Variants in FRMD4A observed in about 807,000 individuals in gnomAD.
The protein encoded by FRMD4A is FERM domain containing 4A.
FRMD4A carries 29 observed loss-of-function variants against 129.1 expected under a neutral mutation model. The observed-to-expected ratio is 0.22, with a 90% CI of 0.17 to 0.31. FRMD4A has a LOEUF of 0.31. FRMD4A is among the 10% of genes least tolerant of loss of function. The probability of loss-of-function intolerance (pLI) is 1.00; values close to 1 mark genes in which losing one functional copy is unlikely to be tolerated. For synonymous variants in FRMD4A, 634 were observed against 571.6 expected, an observed-to-expected ratio of 1.11 and a Z score of -1.56; for missense variants, 1,272 against 1,375.8, an observed-to-expected ratio of 0.92 and a Z score of 1.19.
intron 2 of FRMD4A, among the ~76,000 whole-genome samples, chr10:14,042,944 A>G (rs1421569742): frequency 1.3e-5 from 2 of 151,426 alleles, no homozygotes; most frequent in East Asian, 3.9e-4. Flanking sequence ...AAAAAAAAAA[A>G]AAAAAGAAAT....
rs71388168 is a variant in FRMD4A, at chr10:14,241,683, T to TAAAAAAAAAAAAAAAAAAAAA, written c.45+88354_45+88374dup. Among the ~76,000 whole-genome samples, 5 of 23,402 alleles carry TAAAAAAAAAAAAAAAAAAAAA rather than the reference T, an allele frequency of 2.1e-4. 1 individual carries two copies. Among genetic ancestry groups the TAAAAAAAAAAAAAAAAAAAAA allele is most frequent in the Non-Finnish European group, 3.7e-4 (5 of 13,616 alleles). The allele number at this position is 23,402 out of a possible 152,430, so 15.4% of individuals were successfully genotyped here. A position where few individuals can be genotyped will look rare whatever the true frequency, so the allele number is the denominator to read the frequency against. ...GGAGAGGGATTTGTTTTACCCTCCC[T>TAAAAAAAAAAAAAAAAAAAAA]AAAAAAAAAAAAAAAAAAAAAAAAA... On this transcript the variant is annotated intron_variant, in intron 2 of 24. Transcript: ENST00000357447.
chr10:13,804,467 G>A (rs906172517), intron 4 of FRMD4A, among the ~76,000 whole-genome samples: 8 of 152,034 alleles, frequency 5.3e-5, no homozygotes, highest in East Asian at 1.9e-4. Context: ...GCTCGCTCCC[G>A]TGCACCAGCC....
chr10:13,967,043 G>C lies in FRMD4A; in HGVS notation c.46-108131C>G, dbSNP rs144542911. Among the ~76,000 whole-genome samples, 5 of 152,318 alleles carry C rather than the reference G, an allele frequency of 3.3e-5. No individual in the cohort carries two copies. In the East Asian group the frequency reaches 9.6e-4, roughly 29 times the overall value. ...AAGCTATGAGGATGCACAGGCGTAA[G>C]AATGACACAACGGGCCGGGCGCGGT... On this transcript the variant is annotated intron_variant, in intron 2 of 24. Coordinates refer to ENST00000357447, the MANE Select transcript of FRMD4A (RefSeq NM_018027.5).
rs531535111 is a variant in FRMD4A, at chr10:14,217,433, G to A, written c.45+112625C>T. ...GATGGGAGATGTGATGGTTTGATAA[G>A]GGGAAACCCCTTTCGTCTGGGTTCC... On this transcript the variant is annotated intron_variant, in intron 2 of 24. Transcript: ENST00000357447. Among the ~76,000 whole-genome samples the A allele has an allele frequency of 4.4e-3, 670 of 152,288 alleles. 4 individuals are homozygous for A. The highest frequency in any genetic ancestry group is 0.017 in the Middle Eastern group (5 of 294).
intron 2 of FRMD4A, among the ~76,000 whole-genome samples, chr10:14,197,348 G>A (rs1416869931): frequency 6.6e-6 from 1 of 152,086 alleles, no homozygotes; most frequent in Non-Finnish European, 1.5e-5. Context: ...AATTGTTCAG[G>A]ACAAGCAGGA....
chr10:14,198,778 T>C (rs898804468), intron 2 of FRMD4A, among the ~76,000 whole-genome samples: 1 of 152,194 alleles, frequency 6.6e-6, no homozygotes, highest in Non-Finnish European at 1.5e-5. Flanking sequence ...CAGCTCTCCA[T>C]CTAGAGAGAA....
At chr10:14,061,668 A>C (rs1292128430) in intron 2 of FRMD4A, among the ~76,000 whole-genome samples, 1 of 152,128 alleles carries the variant, frequency 6.6e-6, no homozygotes, top group Non-Finnish European at 1.5e-5. Flanking sequence ...TAAATGAAAC[A>C]AGGGGGATTG....
intron 2 of FRMD4A, among the ~76,000 whole-genome samples, chr10:14,298,675 A>T (rs1049977299): frequency 3.9e-5 from 6 of 152,182 alleles, no homozygotes; most frequent in Non-Finnish European, 7.3e-5. Context: ...TGACCTTGGG[A>T]TCAACACGTT....
intron 2 of FRMD4A, among the ~76,000 whole-genome samples, chr10:14,071,040 T>C (rs1048793859): frequency 2.6e-5 from 4 of 152,202 alleles, no homozygotes; most frequent in African/African-American, 9.7e-5. Flanking sequence ...TAGACAGAGA[T>C]CGCTGATGTA....
chr10:13,885,628 G>A (rs1170049082), intron 2 of FRMD4A, among the ~76,000 whole-genome samples: 3 of 152,262 alleles, frequency 2.0e-5, no homozygotes, highest in Non-Finnish European at 1.5e-5. Flanking sequence ...ACATATGCAC[G>A]TGGTTTGTAG....
chr10:13,954,070 T>A (rs1245810923), intron 2 of FRMD4A, among the ~76,000 whole-genome samples: 1 of 152,208 alleles, frequency 6.6e-6, no homozygotes, highest in African/African-American at 2.4e-5. Context: ...TGCTAGGACA[T>A]CAGGGCAGAA....
chr10:13,866,632 G>A (rs931077527), intron 2 of FRMD4A, among the ~76,000 whole-genome samples: 2 of 152,078 alleles, frequency 1.3e-5, no homozygotes, highest in Admixed American at 6.6e-5. Flanking sequence ...AGAAATTTAC[G>A]GGAAATACAC....
intron 2 of FRMD4A, among the ~76,000 whole-genome samples, chr10:13,962,684 A>G (rs987562213): frequency 3.9e-5 from 6 of 152,218 alleles, no homozygotes; most frequent in Admixed American, 1.3e-4. Context: ...CCATCTAAGT[A>G]GACCTTTAGA....
chr10:14,087,845 T>C (rs569756200), intron 2 of FRMD4A, among the ~76,000 whole-genome samples: 11 of 152,304 alleles, frequency 7.2e-5, no homozygotes, highest in Admixed American at 2.6e-4. Context: ...AACAGTGCCG[T>C]GTGCACTCCA....
chr10:14,123,147 A>G (rs768655263), intron 2 of FRMD4A, among the ~76,000 whole-genome samples: 3 of 152,032 alleles, frequency 2.0e-5, no homozygotes, highest in Non-Finnish European at 2.9e-5. Context: ...ACAAAACAAA[A>G]CTAAAACCAC....
At chr10:14,035,915 G>A (rs1249841839) in intron 2 of FRMD4A, among the ~76,000 whole-genome samples, 10 of 152,060 alleles carry the variant, frequency 6.6e-5, no homozygotes, top group African/African-American at 2.2e-4. Context: ...GGTGGTTGGC[G>A]CCTGTAATCC....
chr10:14,173,301 C>T (rs1222005741), intron 2 of FRMD4A, among the ~76,000 whole-genome samples: 1 of 152,116 alleles, frequency 6.6e-6, no homozygotes, highest in African/African-American at 2.4e-5. Flanking sequence ...TAATGGAAAA[C>T]CCCACGTTCA....
chr10:14,134,782 G>T (rs1394705927), intron 2 of FRMD4A, among the ~76,000 whole-genome samples: 2 of 152,196 alleles, frequency 1.3e-5, no homozygotes, highest in Non-Finnish European at 2.9e-5. Context: ...GATAAATGAA[G>T]TTGGGAGGTG....
chr10:14,133,078 A>T (rs1467869161), intron 2 of FRMD4A, among the ~76,000 whole-genome samples: 1 of 152,218 alleles, frequency 6.6e-6, no homozygotes, highest in Admixed American at 6.5e-5. Flanking sequence ...AACTTCAGGA[A>T]TATTTGATTC....
Sources: gnomAD v4.1 joint callset for allele counts (sites outside exome capture counted in the v4.1 genomes callset) on GRCh38, gnomAD v4.1.1 for gene constraint, MANE v1.5 for transcripts, NCBI Gene and HGNC (gene_info 2026-07-23, HGNC 2026-07-21) for gene names.